The following RTN4 variants were observed in gnomAD, a reference collection of about 807,000 sequenced individuals.
RTN4 encodes the protein reticulon-4.
A neutral mutation model predicts 90.4 loss-of-function variants in RTN4; 32 were observed. The ratio of observed to expected loss-of-function variants is 0.35; its 90% CI spans 0.27 to 0.48. The LOEUF is 0.48. Among genes scored for constraint, RTN4 ranks in the 20% least tolerant of loss-of-function variants. The pLI is 0.99. For missense variants in RTN4, 1,706 were observed against 1,430.2 expected, an observed-to-expected ratio of 1.19 and a Z score of -3.11; for synonymous variants, 629 against 552.5, an observed-to-expected ratio of 1.14 and a Z score of -1.94.
At position 55,030,738 on chromosome 2, in the gene RTN4, A is replaced by T. The variant is rs868280232; in HGVS notation, c.557-2518T>A. ...TTATAATTATTATTATTTTTTGGCT[A>T]GGCTTCCTCAAAGCACGAGATGTGC... On this transcript the variant is annotated intron_variant, in intron 1 of 8. Transcript: ENST00000337526. Among the ~76,000 whole-genome samples the T allele has an allele frequency of 6.6e-5, 10 of 152,304 alleles. No individual in the cohort carries two copies. In the East Asian group the frequency reaches 1.5e-3, roughly 23 times the overall value.
At chr2:55,095,966 G>A (rs1327723221) in intron 1 of RTN4, among the ~76,000 whole-genome samples, 1 of 152,096 alleles carries the variant, frequency 6.6e-6, no homozygotes, top group Non-Finnish European at 1.5e-5. Flanking sequence ...TCTCCTAATG[G>A]GACAGTGGTT....
upstream of RTN4, among the ~76,000 whole-genome samples, chr2:55,054,536 G>C (rs1206413349): frequency 1.3e-5 from 2 of 152,134 alleles, no homozygotes; most frequent in Non-Finnish European, 2.9e-5. Context: ...GGTATTTGTA[G>C]AACAAGTTAA....
At chr2:55,032,730 TA>T (rs969173747) in intron 1 of RTN4, among the ~76,000 whole-genome samples, 19 of 151,898 alleles carry the variant, frequency 1.3e-4, no homozygotes, top group Non-Finnish European at 2.6e-4. Flanking sequence ...GCAGTCCCCT[TA>T]AAAAAAGCAA....
intron 3 of RTN4, among the ~76,000 whole-genome samples, chr2:54,990,069 A>C (rs1678880818): frequency 6.6e-6 from 1 of 152,204 alleles, no homozygotes; most frequent in Non-Finnish European, 1.5e-5. Context: ...AAAATGGTTG[A>C]ATAACTTACG....
intron 5 of RTN4, among the ~76,000 whole-genome samples, chr2:54,977,406 G>GTTTTTTTTTT (rs34777052): frequency 6.8e-6 from 1 of 146,112 alleles, no homozygotes; most frequent in Non-Finnish European, 1.5e-5. Context: ...AGCTCAGGCC[G>GTTTTTTTTTT]TTTTTTTTTT....
chr2:55,040,832 G>T (rs1168657976), intron 1 of RTN4, among the ~76,000 whole-genome samples: 3 of 149,770 alleles, frequency 2.0e-5, no homozygotes, highest in African/African-American at 4.9e-5. Context: ...TCTTAATATT[G>T]AACTTCCAAG....
chr2:55,011,735 A>C (rs1418342637), intron 3 of RTN4, among the ~76,000 whole-genome samples: 2 of 152,202 alleles, frequency 1.3e-5, no homozygotes, highest in East Asian at 3.8e-4. Context: ...GAAAGAACTA[A>C]AATTAGGAAA....
chr2:55,040,685 C>A (rs1683011405), intron 1 of RTN4, among the ~76,000 whole-genome samples: 1 of 152,030 alleles, frequency 6.6e-6, no homozygotes, highest in Non-Finnish European at 1.5e-5. Flanking sequence ...GCAGAAAATT[C>A]TTTACAACTA....
At chr2:55,080,991 C>T (rs185151675) in intron 1 of RTN4, among the ~76,000 whole-genome samples, 347 of 152,252 alleles carry the variant, frequency 2.3e-3, no homozygotes, top group Middle Eastern at 6.8e-3. Flanking sequence ...AAAAAATATT[C>T]AGAGCTCTCA....
rs1019683065 is a variant in RTN4, at chr2:55,101,705, T to C, written c.-214+10815A>G. On this transcript the variant is annotated intron_variant, in intron 1 of 3. Transcript: ENST00000427710. ...AAGATCAACCCAATTTCTGTCCTCATATGATGGTATGAACCAGCCCTGTGG... is the reference window on the plus strand; with the variant it reads ...AAGATCAACCCAATTTCTGTCCTCACATGATGGTATGAACCAGCCCTGTGG... Among the ~76,000 whole-genome samples the C allele has an allele frequency of 5.9e-5, 9 of 152,156 alleles. 1 individual carries two copies. The highest frequency in any genetic ancestry group is 1.2e-4 in the Non-Finnish European group (8 of 68,042).
chr2:55,009,543 G>A (rs939142160), intron 3 of RTN4, among the ~76,000 whole-genome samples: 16 of 152,178 alleles, frequency 1.1e-4, no homozygotes, highest in African/African-American at 2.9e-4. Context: ...AAATTACTGC[G>A]TAATTATACT....
the RTN4 span, among the ~76,000 whole-genome samples, chr2:55,125,028 TG>T: frequency 6.6e-6 from 1 of 152,182 alleles, no homozygotes; most frequent in Non-Finnish European, 1.5e-5. Context: ...AGATTGAAAA[TG>T]GACCCCTTTC....
the RTN4 span, among the ~76,000 whole-genome samples, chr2:55,131,649 C>T: frequency 2.6e-5 from 4 of 151,980 alleles, no homozygotes; most frequent in East Asian, 1.9e-4. Flanking sequence ...TTTGGGAAGC[C>T]GAGGTGGGTG....
chr2:55,129,841 G>A, the RTN4 span, among the ~76,000 whole-genome samples: 3 of 152,232 alleles, frequency 2.0e-5, no homozygotes, highest in South Asian at 4.1e-4. Flanking sequence ...AATTACAGGC[G>A]TGAGCCACCG....
chr2:54,983,838 T>C (rs994575510), intron 4 of RTN4, among the ~76,000 whole-genome samples: 1 of 152,130 alleles, frequency 6.6e-6, no homozygotes, highest in African/African-American at 2.4e-5. Context: ...GCAAAAGGCA[T>C]TTAACTTCTC....
At chr2:55,052,493 G>C (rs957099890), upstream of RTN4, among the ~76,000 whole-genome samples, 2 of 152,152 alleles carry the variant, frequency 1.3e-5, no homozygotes, top group African/African-American at 4.8e-5. Flanking sequence ...TTAATTCCAC[G>C]GAGAACTGGC....
At chr2:55,002,338 C>T (rs558307590) in intron 3 of RTN4, among the ~76,000 whole-genome samples, 6 of 152,310 alleles carry the variant, frequency 3.9e-5, no homozygotes, top group Admixed American at 2.6e-4. Flanking sequence ...GGATTACAGG[C>T]GTGAGCTACA....
chr2:55,078,742 G>A (rs1668649261), intron 2 of RTN4, among the ~76,000 whole-genome samples: 1 of 152,156 alleles, frequency 6.6e-6, no homozygotes, highest in Admixed American at 6.6e-5. Context: ...TTAAAAGCGG[G>A]GAGAAATTGC....
chr2:55,105,315 C>T (rs1199240648), intron 1 of RTN4, among the ~76,000 whole-genome samples: 1 of 150,834 alleles, frequency 6.6e-6, no homozygotes, highest in South Asian at 2.1e-4. Context: ...CTGCAACCTC[C>T]ACCTCCCAGG....
Sources: allele counts gnomAD v4.1 joint callset (sites outside exome capture counted in the v4.1 genomes callset), GRCh38; gene constraint gnomAD v4.1.1; transcripts MANE v1.5; gene names NCBI Gene and HGNC (gene_info 2026-07-23, HGNC 2026-07-21).